ZBTB8A: variants seen among roughly 807,000 people sequenced by gnomAD.
The protein encoded by ZBTB8A is zinc finger and BTB domain-containing protein 8A.
ZBTB8A carries 19 observed loss-of-function variants against 37.8 expected under a neutral mutation model. The ratio of observed to expected loss-of-function variants is 0.50; its 90% confidence interval spans 0.35 to 0.74. ZBTB8A has a LOEUF of 0.74. ZBTB8A is among the 30% of genes least tolerant of loss of function. The pLI, the probability that ZBTB8A is intolerant of heterozygous loss-of-function variation, is 0.01. For synonymous variants in ZBTB8A, 181 were observed against 185.2 expected, an observed-to-expected ratio of 0.98 and a Z score of 0.19; for missense variants, 394 against 537.8, an observed-to-expected ratio of 0.73 and a Z score of 2.65.
At chr1:32,569,953 T>C (rs1469945432) in intron 2 of ZBTB8A, among the ~76,000 whole-genome samples, 3 of 152,148 alleles carry the variant, frequency 2.0e-5, no homozygotes, top group African/African-American at 7.2e-5. Flanking sequence ...TTAAGAAATC[T>C]TTGTCCACCC....
Position 32,600,411 on chromosome 1 carries a change from A to ATC in ZBTB8A, c.1319_1320insCT (p.Arg441LeufsTer18). 6.2e-7 allele frequency: 1 copy of ATC among 1,609,116 alleles called. No individual in the cohort carries two copies. Among genetic ancestry groups the ATC allele is most frequent in the Non-Finnish European group, 8.5e-7 (1 of 1,178,172 alleles). On this transcript the variant is annotated frameshift_variant, in exon 5 of 5. Coordinates refer to ENST00000373510, the MANE Select transcript of ZBTB8A (RefSeq NM_001040441.3). LOFTEE classifies it high-confidence loss of function. ...AGAAGAAAAAGAAATTAAGCCCAAC[A>ATC]TTAGGTAGCTGTAATGTGAACCAAC...
At chr1:32,569,157 G>T (rs769692071) in intron 2 of ZBTB8A, among the ~76,000 whole-genome samples, 13 of 152,086 alleles carry the variant, frequency 8.5e-5, no homozygotes, top group Non-Finnish European at 1.8e-4. Flanking sequence ...AGCCATGATG[G>T]TGGGTGTGTA....
chr1:32,549,110 C>T (rs1012184906), intron 1 of ZBTB8A, among the ~76,000 whole-genome samples: 1 of 152,106 alleles, frequency 6.6e-6, no homozygotes, highest in Admixed American at 6.6e-5. Flanking sequence ...ATCGCTTGAA[C>T]CCGGGAGGCA....
At chr1:32,578,697 T>G (rs1350405258) in intron 2 of ZBTB8A, among the ~76,000 whole-genome samples, 2 of 151,842 alleles carry the variant, frequency 1.3e-5, no homozygotes, top group Non-Finnish European at 2.9e-5. Flanking sequence ...AATATTTTAT[T>G]TATTTATTAT....
intron 2 of ZBTB8A, among the ~76,000 whole-genome samples, chr1:32,562,815 T>C (rs1644253788): frequency 6.6e-6 from 1 of 151,992 alleles, no homozygotes; most frequent in Admixed American, 6.6e-5. Context: ...ACTCCTGACC[T>C]CAAGTGATCC....
chr1:32,584,554 C>T (rs897600647), intron 2 of ZBTB8A, among the ~76,000 whole-genome samples: 1 of 147,000 alleles, frequency 6.8e-6, no homozygotes, highest in African/African-American at 2.5e-5. Context: ...CATTGTTGCC[C>T]AGGCTGGAGT....
rs762801492 is a variant in ZBTB8A, at chr1:32,598,223, A to ATTT, written c.994-1839_994-1837dup. Among the ~76,000 whole-genome samples, 38 of 86,020 alleles carry ATTT rather than the reference A, an allele frequency of 4.4e-4. 2 individuals are homozygous for ATTT. Among genetic ancestry groups the ATTT allele is most frequent in the African/African-American group, 1.0e-3 (21 of 20,508 alleles). The allele number at this position is 86,020 out of a possible 152,430, so 56.4% of individuals were successfully genotyped here. ...TACCAGACTGTATTAGCTTTCTTGG[A>ATTT]TTTTTTTTTTTTTTTTTTTTTTTTT... On this transcript the variant is annotated intron_variant, in intron 4 of 4. Coordinates refer to ENST00000373510, the MANE Select transcript of ZBTB8A (RefSeq NM_001040441.3).
At chr1:32,564,595 T>G (rs918200897) in intron 2 of ZBTB8A, among the ~76,000 whole-genome samples, 1 of 152,100 alleles carries the variant, frequency 6.6e-6, no homozygotes, top group African/African-American at 2.4e-5. Context: ...AGGATTCATC[T>G]CTCTGTCTCT....
chr1:32,570,409 C>A (rs953735371), intron 2 of ZBTB8A, among the ~76,000 whole-genome samples: 11 of 152,096 alleles, frequency 7.2e-5, no homozygotes, highest in Non-Finnish European at 1.3e-4. Flanking sequence ...CCACTGAATT[C>A]CCTTTAAATT....
chr1:32,547,242 A>G (rs1382995600), intron 1 of ZBTB8A, among the ~76,000 whole-genome samples: 1 of 152,086 alleles, frequency 6.6e-6, no homozygotes, highest in Non-Finnish European at 1.5e-5. Context: ...TGTATTTTTC[A>G]TCACCAGAAG....
At chr1:32,550,647 A>T (rs1644145295) in intron 1 of ZBTB8A, among the ~76,000 whole-genome samples, 1 of 151,546 alleles carries the variant, frequency 6.6e-6, no homozygotes, top group Admixed American at 6.6e-5. Context: ...AAGGAAAAAG[A>T]GATCAGTTCT....
At chr1:32,592,363 T>TACA (rs1159502820) in intron 2 of ZBTB8A, among the ~76,000 whole-genome samples, 1 of 150,708 alleles carries the variant, frequency 6.6e-6, no homozygotes, top group Non-Finnish European at 1.5e-5. Flanking sequence ...GGTGAGACCT[T>TACA]ATCTCTATTA....
chr1:32,573,177 T>C (rs1644334960), intron 2 of ZBTB8A, among the ~76,000 whole-genome samples: 1 of 150,934 alleles, frequency 6.6e-6, no homozygotes, highest in Non-Finnish European at 1.5e-5. Context: ...TTCAAGTGAT[T>C]CTCCTGCCTC....
intron 2 of ZBTB8A, among the ~76,000 whole-genome samples, chr1:32,573,430 TTC>T (rs201299528): frequency 6.9e-5 from 10 of 145,768 alleles, no homozygotes; most frequent in African/African-American, 1.7e-4. Context: ...AACTTTCTTC[TTC>T]TTTTTTTTTT....
At position 32,555,918 on chromosome 1, in the gene ZBTB8A, A is replaced by AT. The variant is rs548903481; in HGVS notation, c.-2+2390dup. Among the ~76,000 whole-genome samples, 917 of 147,614 alleles carry AT rather than the reference A, an allele frequency of 6.2e-3. 5 individuals carry two copies. Among genetic ancestry groups the AT allele is most frequent in the Middle Eastern group, 0.028 (8 of 282 alleles). ...TAAAAAAAAATTTAATTTTAATTTA[A>AT]TTTTTTTTTTTTGAGACACTTGTCT... On this transcript the variant is annotated intron_variant, in intron 2 of 4. Transcript: ENST00000373510.
At position 32,570,840 on chromosome 1, in the gene ZBTB8A, C is replaced by T. The variant is rs111288344; in HGVS notation, c.-2+17300C>T. ...TAATTGTGTCATCTATAAACAATAA[C>T]AGTTTTCTTTTTCCTTGTTACTCTT... On this transcript the variant is annotated intron_variant, in intron 2 of 4. Transcript: ENST00000373510. Among the ~76,000 whole-genome samples, 88 of 151,528 alleles carry T rather than the reference C, an allele frequency of 5.8e-4. 1 individual carries two copies. Among genetic ancestry groups the T allele is most frequent in the African/African-American group, 2.1e-3 (85 of 41,392 alleles).
intron 1 of ZBTB8A, among the ~76,000 whole-genome samples, chr1:32,549,105 T>G (rs1381799565): frequency 5.3e-5 from 8 of 152,094 alleles, no homozygotes. Context: ...ACAGAATCGC[T>G]TGAACCCGGG....
intron 1 of ZBTB8A, among the ~76,000 whole-genome samples, 158 bp downstream of exon 1, chr1:32,539,730 C>CCCTTTCT (rs1644033598): frequency 1.4e-3 from 2 of 1,430 alleles, no homozygotes; most frequent in Non-Finnish European, 1.5e-3. Context: ...GGGCCGGGAG[C>CCCTTTCT]GCGGCGGGAG....
chr1:32,570,071 T>C (rs978805276), intron 2 of ZBTB8A, among the ~76,000 whole-genome samples: 2 of 152,244 alleles, frequency 1.3e-5, no homozygotes, highest in African/African-American at 4.8e-5. Context: ...AATTTGTATG[T>C]TGTGTAAAGT....
Sources: gnomAD v4.1 joint callset for allele counts (sites outside exome capture counted in the v4.1 genomes callset) on GRCh38, gnomAD v4.1.1 for gene constraint, MANE v1.5 for transcripts, NCBI Gene and HGNC (gene_info 2026-07-23, HGNC 2026-07-21) for gene names.